The following SRFBP1 variants were observed in gnomAD, a reference collection of about 807,000 sequenced individuals.
SRFBP1 encodes the protein serum response factor binding protein 1, also known as serum response factor-binding protein 1.
Under a neutral mutation model 45.5 loss-of-function variants are expected in SRFBP1, and 47 were observed. That is an observed-to-expected ratio of 1.03 (90% CI 0.82 to 1.32). The LOEUF (loss-of-function observed/expected upper bound fraction) is 1.32, where lower values mean the gene tolerates loss of function less well. SRFBP1 is among the 40% of genes most tolerant of loss of function. The probability of loss-of-function intolerance (pLI) is 0.00; values close to 1 mark genes in which losing one functional copy is unlikely to be tolerated. For missense variants in SRFBP1, 621 were observed against 484.6 expected, an observed-to-expected ratio of 1.28 and a Z score of -2.64; for synonymous variants, 203 against 166.3, an observed-to-expected ratio of 1.22 and a Z score of -1.70.
intron 3 of SRFBP1, among the ~76,000 whole-genome samples, chr5:121,986,870 C>G (rs1377769795): frequency 1.3e-5 from 2 of 152,008 alleles, no homozygotes; most frequent in East Asian, 3.8e-4. Flanking sequence ...TTTTAAAAAG[C>G]AAACATATTA....
At chr5:121,981,106 T>G (rs1752398764) in intron 3 of SRFBP1, among the ~76,000 whole-genome samples, 1 of 152,094 alleles carries the variant, frequency 6.6e-6, no homozygotes, top group Non-Finnish European at 1.5e-5. Flanking sequence ...CAGATAGGGC[T>G]TTTTGGTAGT....
chr5:122,075,307 C>A, intron 2 of SRFBP1: 1 of 1,123,712 alleles, frequency 8.9e-7, no homozygotes. Context: ...GCAATTTTCT[C>A]CCTTCAGGTA....
intron 3 of SRFBP1, among the ~76,000 whole-genome samples, chr5:121,984,585 G>T (rs867636542): frequency 6.6e-6 from 1 of 151,760 alleles, no homozygotes; most frequent in African/African-American, 2.4e-5. Flanking sequence ...TATAATTTTT[G>T]TTTGACTTAT....
intron 2 of SRFBP1, among the ~76,000 whole-genome samples, chr5:122,041,285 A>C (rs1017113274): frequency 6.6e-6 from 1 of 152,168 alleles, no homozygotes; most frequent in African/African-American, 2.4e-5. Flanking sequence ...GAGTAATTGA[A>C]ATAAGAAACA....
chr5:121,965,551 A>C (rs531238221), intron 1 of SRFBP1, among the ~76,000 whole-genome samples: 7 of 151,962 alleles, frequency 4.6e-5, no homozygotes, highest in Non-Finnish European at 7.4e-5. Flanking sequence ...TGGTCTATAT[A>C]TCTGTTTTGG....
intron 2 of SRFBP1, among the ~76,000 whole-genome samples, chr5:122,033,824 T>G (rs1055088944): frequency 8.9e-5 from 13 of 146,574 alleles, no homozygotes; most frequent in Non-Finnish European, 1.5e-4. Context: ...TTTCAGTTTT[T>G]TTTTTTTTTT....
chr5:122,006,219 C>G (rs1227329226), intron 4 of SRFBP1, among the ~76,000 whole-genome samples: 2 of 152,118 alleles, frequency 1.3e-5, no homozygotes, highest in Admixed American at 6.5e-5. Flanking sequence ...TCATCCCACT[C>G]TTTCCTGGCT....
intron 2 of SRFBP1, among the ~76,000 whole-genome samples, chr5:122,052,364 C>G (rs1754003320): frequency 6.6e-6 from 1 of 152,134 alleles, no homozygotes; most frequent in Non-Finnish European, 1.5e-5. Context: ...GCATTCTCCC[C>G]ATCTCTTTCA....
chr5:121,975,475 A>G, intron 3 of SRFBP1, 88 bp downstream of exon 3: 1 of 1,413,042 alleles, frequency 7.1e-7, no homozygotes, highest in Non-Finnish European at 9.9e-7. Flanking sequence ...TGCTTATTTG[A>G]ATATTCCCGA....
At chr5:121,998,310 A>G (rs1419374348) in intron 4 of SRFBP1, among the ~76,000 whole-genome samples, 1 of 150,846 alleles carries the variant, frequency 6.6e-6, no homozygotes, top group Non-Finnish European at 1.5e-5. Context: ...TGTGGCACAT[A>G]TACACCATGG....
chr5:122,057,606 T>C (rs1481390109), intron 2 of SRFBP1, among the ~76,000 whole-genome samples: 1 of 150,982 alleles, frequency 6.6e-6, no homozygotes, highest in African/African-American at 2.4e-5. Flanking sequence ...AGATTGCTGG[T>C]GTGTGCCACC....
chr5:122,062,237 T>G (rs1754182746), intron 2 of SRFBP1, among the ~76,000 whole-genome samples: 1 of 151,970 alleles, frequency 6.6e-6, no homozygotes, highest in Non-Finnish European at 1.5e-5. Context: ...AAATCAATAT[T>G]GTCCTAATTC....
downstream of SRFBP1, among the ~76,000 whole-genome samples, chr5:122,031,258 A>G (rs1753584309): frequency 6.6e-6 from 1 of 152,240 alleles, no homozygotes; most frequent in African/African-American, 2.4e-5. Flanking sequence ...AAATATAGCA[A>G]CAACAGCAAA....
downstream of SRFBP1, chr5:122,077,184 G>A: frequency 1.4e-6 from 2 of 1,466,014 alleles, no homozygotes; most frequent in Admixed American, 2.5e-5. The surrounding 1 kb of genome is among the most constrained non-coding windows in gnomAD (Gnocchi z 4.9). Context: ...GGAAGCAGGA[G>A]GGGCCAGACG....
chr5:121,964,018 C>A (rs978250654), intron 1 of SRFBP1, among the ~76,000 whole-genome samples: 8 of 151,746 alleles, frequency 5.3e-5, no homozygotes, highest in African/African-American at 1.7e-4. Context: ...TTAAAAGAAA[C>A]CATCTCAGAA....
intron 2 of SRFBP1, chr5:122,074,019 G>T: frequency 6.2e-7 from 1 of 1,613,554 alleles, no homozygotes; most frequent in Non-Finnish European, 8.5e-7. Flanking sequence ...ATACCTGTGT[G>T]TGTGCAGTAC....
chr5:122,073,894 T>C (rs1292598539), intron 2 of SRFBP1: 2 of 932,066 alleles, frequency 2.1e-6, no homozygotes, highest in Non-Finnish European at 3.3e-6. Context: ...GAACAGTCTC[T>C]GTATCCTTTT....
At chr5:122,063,173 A>G (rs1011014326) in intron 2 of SRFBP1, 1 of 152,002 alleles carries the variant, frequency 6.6e-6, no homozygotes, top group Admixed American at 6.6e-5. Context: ...ATTTATTTAT[A>G]TAACAACAAA....
intron 1 of SRFBP1, among the ~76,000 whole-genome samples, chr5:121,969,642 G>A (rs1174227409): frequency 2.0e-5 from 3 of 152,052 alleles, no homozygotes; most frequent in African/African-American, 7.2e-5. Context: ...ATTTCTAGGC[G>A]ATACTTCACT....
Sources: gnomAD v4.1 joint callset for allele counts (sites outside exome capture counted in the v4.1 genomes callset) on GRCh38, gnomAD v4.1.1 for gene constraint, Gnocchi (gnomAD v3.1) non-coding constraint, MANE v1.5 for transcripts, NCBI Gene and HGNC (gene_info 2026-07-23, HGNC 2026-07-21) for gene names.